REV3L: variants seen among roughly 807,000 people sequenced by gnomAD.
The protein encoded by REV3L is REV3 like, DNA directed polymerase zeta catalytic subunit.
A neutral mutation model predicts 299.4 loss-of-function variants in REV3L; 69 were observed. The ratio of observed to expected loss-of-function variants is 0.23; its 90% CI spans 0.19 to 0.28. REV3L has a LOEUF of 0.28. Ranked by LOEUF, REV3L falls within the 10% of genes least tolerant of loss-of-function variation. The pLI is 1.00. For missense variants in REV3L, 3,128 were observed against 3,693.8 expected, an observed-to-expected ratio of 0.85 and a Z score of 3.97; for synonymous variants, 1,238 against 1,271.4, an observed-to-expected ratio of 0.97 and a Z score of 0.56.
intron 31 of REV3L, among the ~76,000 whole-genome samples, chr6:111,306,718 A>G (rs1264120935): frequency 1.3e-5 from 2 of 152,186 alleles, no homozygotes; most frequent in South Asian, 2.1e-4. Flanking sequence ...TTAATCATCT[A>G]CCTGGACTCA....
At chr6:111,441,005 C>T (rs1023459060) in intron 1 of REV3L, among the ~76,000 whole-genome samples, 23 of 152,222 alleles carry the variant, frequency 1.5e-4, no homozygotes, top group African/African-American at 5.1e-4. Context: ...GTTTTTTCGC[C>T]TCTGGTTTCT....
At chr6:111,317,652 A>C (rs1773683117) in intron 26 of REV3L, among the ~76,000 whole-genome samples, 1 of 152,094 alleles carries the variant, frequency 6.6e-6, no homozygotes, top group Non-Finnish European at 1.5e-5. Flanking sequence ...TTTCTGTTAT[A>C]TAGGTTTTTT....
intron 13 of REV3L, among the ~76,000 whole-genome samples, chr6:111,370,844 C>T (rs1404076269): frequency 6.6e-6 from 1 of 152,148 alleles, no homozygotes; most frequent in Non-Finnish European, 1.5e-5. Context: ...ACATGTGTTA[C>T]AATCGATGAA....
At chr6:111,333,500 G>C in intron 22 of REV3L, 133 bp from the exon 23 acceptor site, 1 of 1,149,960 alleles carries the variant, frequency 8.7e-7, no homozygotes, top group South Asian at 1.6e-5. Flanking sequence ...TTGAGACAGT[G>C]TTTCGCTCTT....
Position 111,310,090 on chromosome 6 carries a change from C to A in REV3L, c.8805G>T (p.Leu2935=). 1 of 1,519,938 alleles carries A rather than the reference C, an allele frequency of 6.6e-7. No individual in the cohort carries two copies. The highest frequency in any genetic ancestry group is 1.3e-5 in the South Asian group (1 of 76,430). 94.2% of individuals were successfully genotyped at this position (1,519,938 alleles called of 1,614,324 possible). A position where few individuals can be genotyped will look rare whatever the true frequency, so the allele number is the denominator to read the frequency against. ...VPALELTRKM[L]TYDRRSEPQV... ...GAGGCTCAGAGCGCCGGTCATAAGTCAGCATTTTCCTATTCGAATTCAAAG... is the reference window on the plus strand; with the variant it reads ...GAGGCTCAGAGCGCCGGTCATAAGTAAGCATTTTCCTATTCGAATTCAAAG... Residue 2935 remains leucine (L), a synonymous_variant, in exon 30 of 32, where the codon CTG becomes CTT. Transcript: ENST00000368802.
At chr6:111,471,887 A>T (rs1345166754) in intron 1 of REV3L, 2 of 340,238 alleles carry the variant, frequency 5.9e-6, no homozygotes, top group Non-Finnish European at 9.2e-6. Context: ...AAGGAGTCAC[A>T]GAAGGCTTTA....
intron 1 of REV3L, chr6:111,431,353 G>A: frequency 9.9e-7 from 1 of 1,008,910 alleles, no homozygotes; most frequent in South Asian, 1.3e-5. Flanking sequence ...CAGGATGTCT[G>A]GACTCCAATA....
chr6:111,410,277 G>A (rs758347590), intron 3 of REV3L, among the ~76,000 whole-genome samples: 3 of 152,136 alleles, frequency 2.0e-5, no homozygotes, highest in Admixed American at 6.5e-5. Flanking sequence ...ATTTTAGAAT[G>A]GCATTGTGAT....
chr6:111,415,032 G>A (rs1784608603), intron 2 of REV3L, among the ~76,000 whole-genome samples: 1 of 152,044 alleles, frequency 6.6e-6, no homozygotes, highest in African/African-American at 2.4e-5. Context: ...TAATACAGTT[G>A]CTTAAGTAAT....
At chr6:111,437,855 T>TA (rs1787764278) in intron 1 of REV3L, among the ~76,000 whole-genome samples, 1 of 152,020 alleles carries the variant, frequency 6.6e-6, no homozygotes, top group Admixed American at 6.5e-5. Context: ...TCAATAAACT[T>TA]ACATAATTTT....
chr6:111,397,715 C>A (rs1283240357), intron 4 of REV3L, among the ~76,000 whole-genome samples: 2 of 152,016 alleles, frequency 1.3e-5, no homozygotes, highest in African/African-American at 4.8e-5. Flanking sequence ...CAGTTCACTG[C>A]AGCCTCAATT....
intron 1 of REV3L, among the ~76,000 whole-genome samples, chr6:111,418,497 G>A (rs1217634759): frequency 6.6e-6 from 1 of 152,164 alleles, no homozygotes; most frequent in East Asian, 1.9e-4. Flanking sequence ...ATTTTGGGAT[G>A]TACAATTTAG....
Position 111,373,496 on chromosome 6 carries a change from C to T in REV3L, c.4859G>A (p.Ser1620Asn). 6.2e-7 allele frequency: 1 copy of T among 1,613,366 alleles called. No homozygotes were observed. The highest frequency in any genetic ancestry group is 8.5e-7 in the Non-Finnish European group (1 of 1,179,786). ...GCCTGGATCTGAAAAAAAGATGGGA[C>T]TATCATCTGATACAGAGTTATCCAA... ...SQLDNSVSDDSPIFFSDPGFE... is the reference protein window; with the variant it reads ...SQLDNSVSDDNPIFFSDPGFE... Residue 1620 changes from serine (S) to asparagine (N), a missense_variant, in exon 13 of 32, where the codon AGT (serine) becomes AAT (asparagine). Physicochemically the swap from Ser to Asn is conservative, Grantham distance 46 (BLOSUM62 1). Transcript: ENST00000368802.
intron 1 of REV3L, among the ~76,000 whole-genome samples, chr6:111,479,509 C>CCT (rs1562378455): frequency 2.3e-5 from 3 of 130,106 alleles, no homozygotes; most frequent in Non-Finnish European, 4.8e-5. Context: ...CCCCCCCCGC[C>CCT]TTTTTTTTTT....
intron 2 of REV3L, among the ~76,000 whole-genome samples, chr6:111,412,657 T>C (rs1029702829): frequency 7.2e-5 from 11 of 152,012 alleles, no homozygotes; most frequent in African/African-American, 2.7e-4. Context: ...TGTCTAATAG[T>C]GTAGTGGACA....
In REV3L at chr6:111,483,042, G is replaced by T; in HGVS notation, c.-154C>A. On this transcript the variant is annotated 5_prime_UTR_variant, in exon 1 of 32. Transcript: ENST00000368802. ...GAGGCACCTCGAGGAGCGGCGGGCG[G>T]GGCGGTGTAGGCGCTGCTGCCGCCG... is the stretch of plus-strand genomic sequence containing the variant. 1 of 955,034 alleles carries T rather than the reference G, an allele frequency of 1.0e-6. No individual in the cohort carries two copies. The highest frequency in any genetic ancestry group is 2.5e-5 in the South Asian group (1 of 39,264). 59.2% of individuals were successfully genotyped at this position (955,034 alleles called of 1,614,324 possible).
rs75527766 is a variant in REV3L, at chr6:111,435,493, C to A, written c.140-19021G>T. The stretch of plus-strand genomic sequence containing the variant: ...CCAATGAAACAGAACAGAGAACCTA[C>A]ATATAAATCCAGACATTAACAGCTA... On this transcript the variant is annotated intron_variant, in intron 1 of 31. Coordinates refer to ENST00000368802, the MANE Select transcript of REV3L (RefSeq NM_001372078.1). Among the ~76,000 whole-genome samples, 115 of 152,170 alleles carry A rather than the reference C, an allele frequency of 7.6e-4. No individual in the cohort carries two copies. The East Asian group carries it at 0.012, about 15-fold the overall frequency.
intron 25 of REV3L, among the ~76,000 whole-genome samples, chr6:111,323,349 A>G (rs917471416): frequency 3.9e-5 from 6 of 152,214 alleles, no homozygotes; most frequent in African/African-American, 1.4e-4. Context: ...TTGTGGGTGC[A>G]TGAGTATATG....
chr6:111,301,172 G>T (rs1342291697), intron 31 of REV3L, among the ~76,000 whole-genome samples: 1 of 152,152 alleles, frequency 6.6e-6, no homozygotes. Flanking sequence ...AGGCTTGCTA[G>T]GATTAGGAAA....
Sources: gnomAD v4.1 joint callset for allele counts (sites outside exome capture counted in the v4.1 genomes callset) on GRCh38, gnomAD v4.1.1 for gene constraint, MANE v1.5 for transcripts, NCBI Gene and HGNC (gene_info 2026-07-23, HGNC 2026-07-21) for gene names.